The following SGIP1 variants were observed in gnomAD, a reference collection of about 807,000 sequenced individuals.
SGIP1 encodes SH3GL interacting endocytic adaptor 1.
A neutral mutation model predicts 107.5 loss-of-function variants in SGIP1; 38 were observed. That is an observed-to-expected ratio of 0.35 (90% confidence interval 0.27 to 0.46). The LOEUF (loss-of-function observed/expected upper bound fraction) is 0.46. Among genes scored for constraint, SGIP1 ranks in the 20% least tolerant of loss-of-function variants. The probability of loss-of-function intolerance (pLI) is 1.00; values close to 1 mark genes in which losing one functional copy is unlikely to be tolerated. For synonymous variants in SGIP1, 365 were observed against 366.1 expected (o/e 1.00, Z 0.03); for missense variants, 929 against 1,019.5 (o/e 0.91, Z 1.21).
intron 20 of SGIP1, among the ~76,000 whole-genome samples, 200 bp downstream of exon 20, chr1:66,729,619 ATG>A (rs2093916114): frequency 6.6e-6 from 1 of 152,188 alleles, no homozygotes; most frequent in Non-Finnish European, 1.5e-5. Context: ...GTGACTGCAT[ATG>A]CATATACGTG....
At chr1:66,679,783 A>C (rs1166410208) in intron 14 of SGIP1, 31 bp downstream of exon 14, 1 of 1,567,772 alleles carries the variant, frequency 6.4e-7, no homozygotes, top group East Asian at 2.4e-5. Context: ...TTCTGGGATG[A>C]TGTGTCAAAC....
chr1:66,731,251 G>A (rs1263800733), intron 20 of SGIP1, among the ~76,000 whole-genome samples: 1 of 151,862 alleles, frequency 6.6e-6, no homozygotes, highest in East Asian at 1.9e-4. Context: ...CCATTTTTTG[G>A]TTGTGCACGT....
chr1:66,576,219 G>A (rs72916356), intron 1 of SGIP1, among the ~76,000 whole-genome samples: 2,814 of 152,272 alleles, frequency 0.018, 85 homozygotes, highest in African/African-American at 0.065. Flanking sequence ...AAAAGAAGGT[G>A]TTAATGTAGT....
At chr1:66,562,481 A>G (rs1284284443) in intron 1 of SGIP1, among the ~76,000 whole-genome samples, 1 of 151,966 alleles carries the variant, frequency 6.6e-6, no homozygotes, top group Admixed American at 6.6e-5. Context: ...AAAGACTGGG[A>G]TAGAGACTGC....
intron 3 of SGIP1, chr1:66,634,114 T>C: frequency 6.2e-7 from 1 of 1,610,014 alleles, no homozygotes; most frequent in African/African-American, 1.3e-5. Flanking sequence ...ACTCAGCTTC[T>C]CCTCACCTCT....
At chr1:66,628,101 T>C (rs1448351724) in intron 2 of SGIP1, among the ~76,000 whole-genome samples, 1 of 152,192 alleles carries the variant, frequency 6.6e-6, no homozygotes, top group African/African-American at 2.4e-5. Flanking sequence ...GGCTGCATAG[T>C]ATTCCATGGT....
intron 21 of SGIP1, among the ~76,000 whole-genome samples, chr1:66,735,901 A>G (rs934027735): frequency 2.6e-5 from 4 of 151,216 alleles, no homozygotes; most frequent in Admixed American, 2.0e-4. Context: ...GGCTCATTTC[A>G]TTTACCACGT....
chr1:66,576,307 T>C (rs902419068), intron 1 of SGIP1, among the ~76,000 whole-genome samples: 1 of 152,190 alleles, frequency 6.6e-6, no homozygotes, highest in Non-Finnish European at 1.5e-5. Flanking sequence ...ATTGTAACCA[T>C]GTAGCTTCCC....
intron 15 of SGIP1, among the ~76,000 whole-genome samples, chr1:66,686,051 T>C (rs1180504711): frequency 6.6e-6 from 1 of 152,274 alleles, no homozygotes; most frequent in Admixed American, 6.5e-5. Flanking sequence ...TTTAATTCAC[T>C]TGATTCTCCC....
intron 18 of SGIP1, among the ~76,000 whole-genome samples, chr1:66,718,983 T>C (rs1182258175): frequency 6.6e-6 from 1 of 152,194 alleles, no homozygotes; most frequent in Non-Finnish European, 1.5e-5. Context: ...CAAACTGTCA[T>C]GCAAATACTG....
intron 7 of SGIP1, among the ~76,000 whole-genome samples, chr1:66,648,045 G>A (rs1450899734): frequency 7.2e-5 from 11 of 152,140 alleles, no homozygotes; most frequent in Non-Finnish European, 1.5e-5. Context: ...TTTACACAAC[G>A]AACAACAGCC....
chr1:66,597,078 G>A (rs888891288), intron 1 of SGIP1, among the ~76,000 whole-genome samples: 3 of 152,134 alleles, frequency 2.0e-5, no homozygotes, highest in African/African-American at 7.2e-5. Context: ...TACATGTGCA[G>A]GTTTATTTAG....
chr1:66,573,675 G>T (rs538083751), intron 1 of SGIP1, among the ~76,000 whole-genome samples: 1 of 152,022 alleles, frequency 6.6e-6, no homozygotes, highest in Non-Finnish European at 1.5e-5. Flanking sequence ...ACCAAATACC[G>T]TATGCTCTCA....
intron 14 of SGIP1, 145 bp downstream of exon 14, chr1:66,679,897 T>C (rs920230657): frequency 1.7e-5 from 11 of 643,128 alleles, no homozygotes; most frequent in Admixed American, 4.3e-5. Context: ...TTAGAATTTC[T>C]TATGCAGACT....
At chr1:66,739,650 G>C (rs2094384294) in intron 22 of SGIP1, 113 bp downstream of exon 22, 4 of 1,025,494 alleles carry the variant, frequency 3.9e-6, no homozygotes, top group Non-Finnish European at 5.8e-6. Flanking sequence ...TGTGCATTAG[G>C]GTTCAGGGCA....
At chr1:66,721,401 C>T (rs141291490) in intron 19 of SGIP1, among the ~76,000 whole-genome samples, 157 of 152,078 alleles carry the variant, frequency 1.0e-3, no homozygotes, top group Admixed American at 1.7e-3. Context: ...ACAGAAACAT[C>T]CTTCTATGTT....
intron 12 of SGIP1, among the ~76,000 whole-genome samples, chr1:66,673,991 C>A: frequency 6.6e-6 from 1 of 151,616 alleles, no homozygotes; most frequent in Non-Finnish European, 1.5e-5. Flanking sequence ...ATACGGAGAC[C>A]CCCATCTCTA....
At chr1:66,537,217 C>A (rs1227718346) in intron 1 of SGIP1, among the ~76,000 whole-genome samples, 2 of 152,076 alleles carry the variant, frequency 1.3e-5, no homozygotes, top group Non-Finnish European at 2.9e-5. Context: ...CTGCTTCCTG[C>A]ATACTTTATC....
chr1:66,624,662 A>G (rs564366722), intron 1 of SGIP1, among the ~76,000 whole-genome samples: 34 of 152,320 alleles, frequency 2.2e-4, no homozygotes, highest in Admixed American at 5.2e-4. Context: ...TGAATCTGTC[A>G]TTGTTTTTCC....
Sources: allele counts gnomAD v4.1 joint callset (sites outside exome capture counted in the v4.1 genomes callset), GRCh38; gene constraint gnomAD v4.1.1; transcripts MANE v1.5; gene names NCBI Gene and HGNC (gene_info 2026-07-23, HGNC 2026-07-21).